The following OPCML variants were observed in gnomAD, a reference collection of about 807,000 sequenced individuals.
OPCML encodes the protein opioid binding protein/cell adhesion molecule like, also known as opioid-binding protein/cell adhesion molecule.
A neutral mutation model predicts 37.8 loss-of-function variants in OPCML; 13 were observed. The ratio of observed to expected loss-of-function variants is 0.34; its 90% CI spans 0.22 to 0.55. The LOEUF is 0.55. OPCML is among the 20% of genes least tolerant of loss of function. The pLI, the probability that OPCML is intolerant of heterozygous loss-of-function variation, is 0.91. For synonymous variants in OPCML, 176 were observed against 168.8 expected, an observed-to-expected ratio of 1.04 and a Z score of -0.33; for missense variants, 341 against 435.6, an observed-to-expected ratio of 0.78 and a Z score of 1.93.
chr11:132,517,567 G>A lies in OPCML; in HGVS notation c.505+11494C>T, dbSNP rs566697663. Among the ~76,000 whole-genome samples, 133 of 152,202 alleles carry A rather than the reference G, an allele frequency of 8.7e-4. 3 individuals carry two copies. The South Asian group carries it at 0.026, about 30-fold the overall frequency. On this transcript the variant is annotated intron_variant, in intron 4 of 7. Transcript: ENST00000524381. ...TTTGTTCAGCAGCAAGAGTCACTGTGGACCCACTGCTGAGGCCAATTAGAT... is the reference window on the plus strand; with the variant it reads ...TTTGTTCAGCAGCAAGAGTCACTGTAGACCCACTGCTGAGGCCAATTAGAT...
chr11:133,277,293 T>C (rs1018745691), intron 1 of OPCML, among the ~76,000 whole-genome samples: 4 of 152,172 alleles, frequency 2.6e-5, no homozygotes, highest in African/African-American at 9.7e-5. Flanking sequence ...CTTAACAATT[T>C]GGTTTTCGGG....
At chr11:133,162,179 C>T (rs2137220104) in intron 1 of OPCML, among the ~76,000 whole-genome samples, 1 of 152,094 alleles carries the variant, frequency 6.6e-6, no homozygotes, top group Middle Eastern at 3.4e-3. Flanking sequence ...AAATTGTCTA[C>T]ACTGCAGAAA....
intron 3 of OPCML, among the ~76,000 whole-genome samples, chr11:132,590,289 T>A (rs2096482238): frequency 6.6e-6 from 1 of 152,158 alleles, no homozygotes; most frequent in African/African-American, 2.4e-5. Context: ...TTGAATAAAA[T>A]GAACATGGGT....
rs765634002 is a variant in OPCML, at chr11:132,487,066, A to T, written c.505+41995T>A. On this transcript the variant is annotated intron_variant, in intron 4 of 7. Transcript: ENST00000524381. Reference sequence around the variant, plus strand: ...ATTTTCAACTTTGCCATAAACCAAAACATTTGAGAAAAATCTTGAGACAGC... The same window carrying T: ...ATTTTCAACTTTGCCATAAACCAAATCATTTGAGAAAAATCTTGAGACAGC... Among the ~76,000 whole-genome samples the T allele has an allele frequency of 1.1e-3, 175 of 152,346 alleles. 2 individuals carry two copies. The highest frequency in any genetic ancestry group is 1.5e-3 in the Admixed American group (23 of 15,304).
chr11:133,226,238 G>A (rs1236086692), intron 1 of OPCML, among the ~76,000 whole-genome samples: 1 of 152,282 alleles, frequency 6.6e-6, no homozygotes, highest in Non-Finnish European at 1.5e-5. Flanking sequence ...CCCCTTGGCA[G>A]GCACTGGAGT....
intron 1 of OPCML, among the ~76,000 whole-genome samples, chr11:133,445,127 C>T (rs1274900220): frequency 7.0e-6 from 1 of 143,556 alleles, no homozygotes; most frequent in African/African-American, 2.8e-5. Flanking sequence ...ATGGAGACCA[C>T]CACACCCCAT....
chr11:132,723,313 T>C (rs1223471436), intron 2 of OPCML, among the ~76,000 whole-genome samples: 1 of 152,192 alleles, frequency 6.6e-6, no homozygotes, highest in African/African-American at 2.4e-5. Flanking sequence ...ACTTCACACA[T>C]TAGGTGAGGG....
intron 1 of OPCML, among the ~76,000 whole-genome samples, chr11:133,082,243 A>G (rs1447591542): frequency 2.6e-5 from 4 of 150,998 alleles, no homozygotes; most frequent in African/African-American, 9.7e-5. Flanking sequence ...CCACTCCGGG[A>G]GCCCCTGGAA....
At chr11:133,097,256 A>C (rs1949016413) in intron 1 of OPCML, among the ~76,000 whole-genome samples, 1 of 152,202 alleles carries the variant, frequency 6.6e-6, no homozygotes, top group Non-Finnish European at 1.5e-5. Flanking sequence ...CACTGGAAAA[A>C]TCTTAAGATA....
intron 1 of OPCML, among the ~76,000 whole-genome samples, chr11:133,082,428 C>T (rs1448694773): frequency 8.8e-6 from 1 of 113,680 alleles, no homozygotes; most frequent in East Asian, 3.1e-4. Flanking sequence ...TATCCTCCCC[C>T]CTCCCCATCC....
At chr11:132,495,528 A>G (rs1377922492) in intron 4 of OPCML, among the ~76,000 whole-genome samples, 1 of 152,214 alleles carries the variant, frequency 6.6e-6, no homozygotes, top group Non-Finnish European at 1.5e-5. Flanking sequence ...TTTTGCAAGG[A>G]TACCCTCACA....
At chr11:133,160,987 G>A (rs962245508) in intron 1 of OPCML, among the ~76,000 whole-genome samples, 1 of 152,216 alleles carries the variant, frequency 6.6e-6, no homozygotes, top group Non-Finnish European at 1.5e-5. Flanking sequence ...CCAGGTACAT[G>A]GAGCTGGATG....
intron 2 of OPCML, among the ~76,000 whole-genome samples, chr11:132,827,181 A>C (rs1940399579): frequency 6.6e-6 from 1 of 152,226 alleles, no homozygotes; most frequent in Admixed American, 6.5e-5. Flanking sequence ...TGAAAGATAT[A>C]TCTCATAACA....
chr11:133,519,688 C>T (rs942925030), intron 1 of OPCML, among the ~76,000 whole-genome samples: 4 of 152,188 alleles, frequency 2.6e-5, no homozygotes, highest in South Asian at 2.1e-4. Flanking sequence ...AACAAACAAA[C>T]CTCTTGCCCT....
In OPCML at chr11:133,402,530, A is replaced by T. The variant is rs75052375; in HGVS notation, c.61+129734T>A. ...ATGATCAGGATGATCAGTCTCTCAT[A>T]ATCACACAGTTTCTCACCTTGGATC... On this transcript the variant is annotated intron_variant, in intron 1 of 7. Transcript: ENST00000524381. Among the ~76,000 whole-genome samples the T allele has an allele frequency of 7.3e-3, 1,107 of 152,332 alleles. 7 individuals are homozygous for T. Among genetic ancestry groups the T allele is most frequent in the Non-Finnish European group, 0.011 (751 of 68,028 alleles).
intron 4 of OPCML, among the ~76,000 whole-genome samples, chr11:132,469,843 AT>A (rs2096131821): frequency 2.7e-5 from 2 of 74,160 alleles, no homozygotes; most frequent in African/African-American, 1.0e-4. Context: ...GGGGGGCTGT[AT>A]GTGTGTGTAT....
chr11:133,471,480 T>A (rs1176677153), intron 1 of OPCML, among the ~76,000 whole-genome samples: 1 of 152,090 alleles, frequency 6.6e-6, no homozygotes, highest in African/African-American at 2.4e-5. Flanking sequence ...GCATATAAGA[T>A]TTTGGAAGGA....
chr11:132,505,418 A>T (rs1169810258), intron 4 of OPCML, among the ~76,000 whole-genome samples: 3 of 152,194 alleles, frequency 2.0e-5, no homozygotes, highest in South Asian at 2.1e-4. Context: ...ACAATAAAAA[A>T]ATCGGCTTCC....
At chr11:133,105,773 G>C (rs1386276894) in intron 1 of OPCML, among the ~76,000 whole-genome samples, 3 of 152,148 alleles carry the variant, frequency 2.0e-5, no homozygotes, top group Non-Finnish European at 4.4e-5. Context: ...CTGAGTTCAG[G>C]AGTTTGAGAA....
Sources: gnomAD v4.1 joint callset for allele counts (sites outside exome capture counted in the v4.1 genomes callset) on GRCh38, gnomAD v4.1.1 for gene constraint, MANE v1.5 for transcripts, NCBI Gene and HGNC (gene_info 2026-07-23, HGNC 2026-07-21) for gene names.